SLC25A12: variants seen among roughly 807,000 people sequenced by gnomAD.
SLC25A12 encodes solute carrier family 25 member 12.
In SLC25A12, 32 loss-of-function variants were observed where a neutral mutation model predicts 83.3. The observed-to-expected ratio is 0.38, with a 90% CI of 0.29 to 0.52. The LOEUF (loss-of-function observed/expected upper bound fraction) is 0.52, where lower values mean the gene tolerates loss of function less well. SLC25A12 is among the 20% of genes least tolerant of loss of function. SLC25A12 has a pLI of 0.84. For missense variants in SLC25A12, 611 were observed against 835.6 expected (o/e 0.73, Z 3.31); for synonymous variants, 267 against 291.1 (o/e 0.92, Z 0.84).
chr2:171,842,669 A>G (rs1310922869), intron 5 of SLC25A12, among the ~76,000 whole-genome samples: 1 of 152,216 alleles, frequency 6.6e-6, no homozygotes, highest in African/African-American at 2.4e-5. Context: ...ATAGAGACAG[A>G]AAGTAGGCTG....
rs191017068 is a variant in SLC25A12, at chr2:171,785,538, G to A, written c.1836-63C>T. 6.8e-5 allele frequency: 99 copies of A among 1,457,606 alleles called. No individual in the cohort carries two copies. In the East Asian group the frequency reaches 2.1e-3, roughly 31 times the overall value. The allele number at this position is 1,457,606 out of a possible 1,614,324, so 90.3% of individuals were successfully genotyped here. A position where few individuals can be genotyped will look rare whatever the true frequency, so the allele number is the denominator to read the frequency against. On this transcript the variant is annotated intron_variant, in intron 17 of 17. Coordinates refer to ENST00000422440, the MANE Select transcript of SLC25A12 (RefSeq NM_003705.5). ...AGGTGGATGAGCGCAGCTTACAGCT[G>A]GACATTTTCGGTCTGACCCATGTGC...
intron 2 of SLC25A12, among the ~76,000 whole-genome samples, chr2:171,870,902 T>C (rs1685443557): frequency 6.6e-6 from 1 of 152,110 alleles, no homozygotes; most frequent in Non-Finnish European, 1.5e-5. Context: ...AAGCCACCTG[T>C]TCTTTCAATA....
At chr2:171,892,670 T>C (rs1346634401) in intron 2 of SLC25A12, among the ~76,000 whole-genome samples, 1 of 152,090 alleles carries the variant, frequency 6.6e-6, no homozygotes, top group East Asian at 1.9e-4. Flanking sequence ...TTCTAAAAGC[T>C]TAGAAGTTAA....
At chr2:171,884,229 C>T (rs902883915) in intron 2 of SLC25A12, among the ~76,000 whole-genome samples, 2 of 149,954 alleles carry the variant, frequency 1.3e-5, no homozygotes, top group African/African-American at 4.9e-5. Flanking sequence ...CTTCCTCTGT[C>T]GCCCAGGCTG....
chr2:171,881,278 G>T (rs555204206), intron 2 of SLC25A12, among the ~76,000 whole-genome samples: 2 of 151,962 alleles, frequency 1.3e-5, no homozygotes, highest in East Asian at 1.9e-4. Flanking sequence ...TCAGCCTCCC[G>T]AGCAGTTGAG....
At chr2:171,893,454 G>A (rs905020929) in intron 1 of SLC25A12, among the ~76,000 whole-genome samples, 196 bp from the exon 2 acceptor site, 8 of 152,130 alleles carry the variant, frequency 5.3e-5, no homozygotes, top group Non-Finnish European at 7.4e-5. Flanking sequence ...AAACAGGTGC[G>A]AATAGCCTAA....
intron 13 of SLC25A12, among the ~76,000 whole-genome samples, chr2:171,801,606 C>T (rs746199056): frequency 8.5e-5 from 13 of 152,074 alleles, no homozygotes; most frequent in Non-Finnish European, 1.8e-4. Context: ...GGTGCAAAAG[C>T]AATATGCATT....
At chr2:171,876,795 C>T (rs910402024) in intron 2 of SLC25A12, among the ~76,000 whole-genome samples, 1 of 152,036 alleles carries the variant, frequency 6.6e-6, no homozygotes, top group Non-Finnish European at 1.5e-5. Context: ...ATGAAATTAC[C>T]CAAGTATGTC....
Position 171,784,783 on chromosome 2 carries a change from C to A in SLC25A12, c.*491G>T. ...AAAACAAACTAGGAATTAAATACAT[C>A]CAATATTGATGCTTTATTTCCATAA... On this transcript the variant is annotated 3_prime_UTR_variant, in exon 18 of 18. Coordinates refer to ENST00000422440, the MANE Select transcript of SLC25A12 (RefSeq NM_003705.5). 1 of 179,316 alleles carries A rather than the reference C, an allele frequency of 5.6e-6. No individual in the cohort carries two copies. The allele number at this position is 179,316 out of a possible 1,614,324, so 11.1% of individuals were successfully genotyped here.
At chr2:171,801,695 T>C (rs1012301686) in intron 13 of SLC25A12, among the ~76,000 whole-genome samples, 1 of 152,200 alleles carries the variant, frequency 6.6e-6, no homozygotes, top group Non-Finnish European at 1.5e-5. Flanking sequence ...ACATGAGATA[T>C]CCAATACTGT....
At chr2:171,787,239 C>T (rs889985731) in intron 17 of SLC25A12, among the ~76,000 whole-genome samples, 23 of 151,972 alleles carry the variant, frequency 1.5e-4, no homozygotes, top group Non-Finnish European at 2.5e-4. Flanking sequence ...GTGGGAGGAT[C>T]GCTTGAGCCC....
At chr2:171,857,633 C>G (rs1255252126) in intron 3 of SLC25A12, among the ~76,000 whole-genome samples, 1 of 151,954 alleles carries the variant, frequency 6.6e-6, no homozygotes, top group Non-Finnish European at 1.5e-5. Flanking sequence ...TGCAGTGAGC[C>G]AAGATTGTGC....
At chr2:171,844,269 C>A (rs1337873291) in intron 5 of SLC25A12, 100 bp downstream of exon 5, 18 of 1,295,244 alleles carry the variant, frequency 1.4e-5, no homozygotes, top group Non-Finnish European at 2.0e-5. Context: ...GAGTGAAATA[C>A]CATGGAGAAC....
intron 13 of SLC25A12, among the ~76,000 whole-genome samples, chr2:171,806,448 T>C (rs1683832612): frequency 6.6e-6 from 1 of 151,880 alleles, no homozygotes. Flanking sequence ...AGAGCAAAAC[T>C]CCATCTCAAA....
At position 171,809,222 on chromosome 2, in the gene SLC25A12, T is replaced by C. The variant is rs1329533099; in HGVS notation, c.1305+384A>G. Among the ~76,000 whole-genome samples, 4 of 152,328 alleles carry C rather than the reference T, an allele frequency of 2.6e-5. No homozygotes were observed. The East Asian group carries it at 7.7e-4, about 29-fold the overall frequency. On this transcript the variant is annotated intron_variant, in intron 13 of 17. Coordinates refer to ENST00000422440, the MANE Select transcript of SLC25A12 (RefSeq NM_003705.5). ...TATAATCCTTTGGGTATATACTCAG[T>C]AATGGGATTGCTGGGTCAAATGGTA...
chr2:171,825,456 C>T (rs746591422), intron 9 of SLC25A12, among the ~76,000 whole-genome samples: 18 of 152,208 alleles, frequency 1.2e-4, no homozygotes, highest in Non-Finnish European at 2.1e-4. Flanking sequence ...TTCATTAACA[C>T]ATTTGGTGAA....
rs576189007 is a variant in SLC25A12, at chr2:171,851,660, G to A, written c.325+4174C>T. On this transcript the variant is annotated intron_variant, in intron 4 of 17. Transcript: ENST00000422440. The stretch of plus-strand genomic sequence containing the variant: ...AGTAATCCTCCTACCTCAGCCTCCC[G>A]AGTAGCTGGGACTACAGGCATGTGC... Among the ~76,000 whole-genome samples, 507 of 151,172 alleles carry A rather than the reference G, an allele frequency of 3.4e-3. 5 individuals are homozygous for A. Among genetic ancestry groups the A allele is most frequent in the Non-Finnish European group, 5.9e-3 (400 of 67,820 alleles).
chr2:171,856,092 TAAGG>T (rs986427597), intron 3 of SLC25A12, 143 bp from the exon 4 acceptor site: 1 of 655,704 alleles, frequency 1.5e-6, no homozygotes, highest in Non-Finnish European at 2.7e-6. Flanking sequence ...GTACTTCAGA[TAAGG>T]AAGGAAAGGA....
chr2:171,800,666 A>C (rs560137602), intron 13 of SLC25A12, among the ~76,000 whole-genome samples: 13 of 152,362 alleles, frequency 8.5e-5, no homozygotes, highest in Middle Eastern at 6.8e-3. Flanking sequence ...TTTGTACAAG[A>C]ATGTTTACAG....
Sources: gnomAD v4.1 joint callset for allele counts (sites outside exome capture counted in the v4.1 genomes callset) on GRCh38, gnomAD v4.1.1 for gene constraint, MANE v1.5 for transcripts, NCBI Gene and HGNC (gene_info 2026-07-23, HGNC 2026-07-21) for gene names.